FLNB: variants seen among roughly 807,000 people sequenced by gnomAD.
FLNB encodes filamin-B.
FLNB carries 111 observed loss-of-function variants against 250.6 expected under a neutral mutation model. The ratio of observed to expected loss-of-function variants is 0.44; its 90% CI spans 0.38 to 0.52. FLNB has a LOEUF of 0.52. FLNB is among the 20% of genes least tolerant of loss of function. The pLI, the probability that FLNB is intolerant of heterozygous loss-of-function variation, is 0.00. For missense variants in FLNB, 2,869 were observed against 3,447.8 expected, an observed-to-expected ratio of 0.83 and a Z score of 4.20; for synonymous variants, 1,302 against 1,372.1, an observed-to-expected ratio of 0.95 and a Z score of 1.13.
At chr3:58,116,370 C>A (rs1368718206) in intron 18 of FLNB, among the ~76,000 whole-genome samples, 1 of 152,114 alleles carries the variant, frequency 6.6e-6, no homozygotes, top group Admixed American at 6.5e-5. Context: ...GCTGCTTGGG[C>A]ATGGGTGTGT....
chr3:58,105,112 G>A lies in FLNB; in HGVS notation c.1643G>A (p.Gly548Asp). 6.2e-7 allele frequency: 1 copy of A among 1,614,254 alleles called. No homozygotes were observed. Among genetic ancestry groups the A allele is most frequent in the Non-Finnish European group, 8.5e-7 (1 of 1,180,048 alleles). The stretch of plus-strand genomic sequence containing the variant: ...GAAGTTCAAGTTGGCCCTGAAGCGG[G>A]TATGCAGAAAGTCCGTGCTTGGGGC... ...PFEVQVGPEA[G>D]MQKVRAWGPG... Residue 548 changes from glycine to aspartate, a missense_variant, in exon 11 of 46, where the codon GGT becomes GAT. Gly to Asp is a moderately conservative substitution (Grantham distance 94, BLOSUM62 -1). Coordinates refer to ENST00000295956, the MANE Select transcript of FLNB (RefSeq NM_001457.4).
chr3:58,076,387 A>G (rs989479617), intron 1 of FLNB, among the ~76,000 whole-genome samples: 5 of 152,210 alleles, frequency 3.3e-5, no homozygotes, highest in African/African-American at 1.2e-4. Flanking sequence ...TAGGCTGTAT[A>G]CTACCAGTTT....
intron 34 of FLNB, 57 bp downstream of exon 34, chr3:58,147,050 G>A (rs1575457906): frequency 1.3e-6 from 2 of 1,568,184 alleles, no homozygotes; most frequent in East Asian, 4.5e-5. Context: ...GCCTCTGACT[G>A]CCACCCTCCT....
intron 1 of FLNB, among the ~76,000 whole-genome samples, chr3:58,017,676 A>G (rs914591099): frequency 1.3e-5 from 2 of 152,214 alleles, no homozygotes; most frequent in Non-Finnish European, 2.9e-5. Context: ...GATAAACTGT[A>G]GATGGTTGTT....
rs2097285002 is a variant in FLNB at position 58,119,632 on chromosome 3, A to G, written c.2863+643A>G. On this transcript the variant is annotated intron_variant, in intron 19 of 45. Coordinates refer to ENST00000295956, the MANE Select transcript of FLNB (RefSeq NM_001457.4). ...ATGAACACTGATGTACTTATCACTCAGCTTCAGATGTGCAACACATGCTCA... is the reference window on the plus strand; with the variant it reads ...ATGAACACTGATGTACTTATCACTCGGCTTCAGATGTGCAACACATGCTCA... 2.0e-5 allele frequency among the ~76,000 whole-genome samples: 3 copies of G among 152,366 alleles called. No individual in the cohort carries two copies. In the South Asian group the frequency reaches 6.2e-4, roughly 32 times the overall value.
At chr3:58,096,393 G>A (rs1487674425) in intron 6 of FLNB, among the ~76,000 whole-genome samples, 175 bp downstream of exon 6, 1 of 152,186 alleles carries the variant, frequency 6.6e-6, no homozygotes, top group African/African-American at 2.4e-5. Context: ...TACTAGCTAG[G>A]ATGAGTTGTT....
At chr3:58,082,909 G>T (rs1032034653) in intron 4 of FLNB, among the ~76,000 whole-genome samples, 5 of 152,140 alleles carry the variant, frequency 3.3e-5, no homozygotes, top group Admixed American at 1.3e-4. Context: ...CTTTGTGTGT[G>T]TTTGCATATG....
intron 1 of FLNB, among the ~76,000 whole-genome samples, chr3:58,020,961 C>T (rs911023316): frequency 6.6e-6 from 1 of 151,696 alleles, no homozygotes; most frequent in Non-Finnish European, 1.5e-5. Context: ...AGAGGCAGGC[C>T]TCCTAGGGAG....
At position 58,110,054 on chromosome 3, in the gene FLNB, G is replaced by A. The variant is rs1392670034; in HGVS notation, c.2368G>A (p.Glu790Lys). ...TAAGTGTGATGCCCGGGTGTTAAGT[G>A]AAGATGAGGAAGACGTGGATTTTGA... Reference protein sequence around the residue: ...GIKCDARVLSEDEEDVDFDII... With the variant: ...GIKCDARVLSKDEEDVDFDII... The change falls in exon 16 of 46, where the codon GAA becomes AAA. Residue 790 changes from glutamate (E) to lysine (K), a missense_variant. Glu to Lys is a moderately conservative substitution (Grantham distance 56, BLOSUM62 1). Coordinates refer to ENST00000295956, the MANE Select transcript of FLNB (RefSeq NM_001457.4). The A allele has an allele frequency of 3.7e-6, 6 of 1,614,184 alleles. No homozygotes were observed. Among genetic ancestry groups the A allele is most frequent in the Non-Finnish European group, 4.2e-6 (5 of 1,180,018 alleles).
At chr3:58,156,165 G>A in intron 41 of FLNB, 90 bp downstream of exon 41, 2 of 944,516 alleles carry the variant, frequency 2.1e-6, no homozygotes, top group Non-Finnish European at 3.4e-6. Flanking sequence ...CCCCTTAGGT[G>A]CTGAGGCCCC....
chr3:58,082,230 C>A (rs373092713), intron 4 of FLNB, among the ~76,000 whole-genome samples: 2 of 152,134 alleles, frequency 1.3e-5, no homozygotes, highest in East Asian at 1.9e-4. Context: ...GCTAAGACAT[C>A]CTGTTTATGA....
At position 58,169,376 on chromosome 3, in the gene FLNB, C is replaced by T. The variant is rs2097377129; in HGVS notation, c.7418-214C>T. 1.7e-6 allele frequency: 1 copy of T among 593,286 alleles called. No individual in the cohort carries two copies. Among genetic ancestry groups the T allele is most frequent in the African/African-American group, 1.8e-5 (1 of 54,328 alleles). 36.8% of individuals were successfully genotyped at this position (593,286 alleles called of 1,614,324 possible). A position where few individuals can be genotyped will look rare whatever the true frequency, so the allele number is the denominator to read the frequency against. On this transcript the variant is annotated intron_variant, in intron 44 of 45. Transcript: ENST00000295956. This position sits in a 1 kb window ranked among gnomAD's most constrained non-coding sequence, Gnocchi z 4.8. ...CCTTGTCAGCCAAGGCCAGACTCAT[C>T]CATTTGCCCAGAAAGCCAGATCCTA... is the stretch of plus-strand genomic sequence containing the variant.
chr3:58,109,846 A>G, intron 15 of FLNB, 147 bp downstream of exon 15: 1 of 1,382,036 alleles, frequency 7.2e-7, no homozygotes, highest in East Asian at 2.3e-5. Flanking sequence ...CCTTAGTGAT[A>G]TCTTTGCTAA....
rs2097194527 is a variant in FLNB, at chr3:58,071,508, A to AC, written c.293-5534dup. ...TAGCCAGGCTGGCCTCGAACTCCTGACCCCAAGTGATCCTCCTGCCTCGGC... is the reference window on the plus strand; with the variant it reads ...TAGCCAGGCTGGCCTCGAACTCCTGACCCCCAAGTGATCCTCCTGCCTCGGC... On this transcript the variant is annotated intron_variant, in intron 1 of 45. Transcript: ENST00000295956. Among the ~76,000 whole-genome samples, 4 of 151,704 alleles carry AC rather than the reference A, an allele frequency of 2.6e-5. No individual in the cohort carries two copies. In the South Asian group the frequency reaches 8.4e-4, roughly 32 times the overall value.
chr3:58,059,113 G>C (rs897676265), intron 1 of FLNB, among the ~76,000 whole-genome samples: 3 of 152,154 alleles, frequency 2.0e-5, no homozygotes, highest in African/African-American at 7.2e-5. Context: ...GTTTAGTCTA[G>C]TGTGCCCCCA....
chr3:58,026,219 T>TGA (rs2097123431), intron 1 of FLNB, among the ~76,000 whole-genome samples: 1 of 152,114 alleles, frequency 6.6e-6, no homozygotes, highest in African/African-American at 2.4e-5. Context: ...ACATCCTCCA[T>TGA]GAGGCTGAGG....
chr3:58,069,232 CTTTTTTTTTTT>C (rs59689498), intron 1 of FLNB, among the ~76,000 whole-genome samples: 15 of 86,370 alleles, frequency 1.7e-4, no homozygotes, highest in African/African-American at 7.0e-4. Flanking sequence ...TAGTTCAATT[CTTTTTTTTTTT>C]TTTTTTTTTT....
rs957834604 is a variant in FLNB at position 58,170,959 on chromosome 3, A to T, written c.*197A>T. The T allele has an allele frequency of 1.7e-6, 1 of 589,570 alleles. No individual in the cohort carries two copies. The highest frequency in any genetic ancestry group is 3.0e-6 in the Non-Finnish European group (1 of 332,936). 36.5% of individuals were successfully genotyped at this position (589,570 alleles called of 1,614,324 possible). ...CATATTGGAGAATCTTAAGAAATGC[A>T]AGCTTGTTCAGGGGGCTGAGAAGAT... On this transcript the variant is annotated 3_prime_UTR_variant, in exon 46 of 46. Coordinates refer to ENST00000295956, the MANE Select transcript of FLNB (RefSeq NM_001457.4).
chr3:58,134,983 T>C (rs544697920), intron 27 of FLNB, among the ~76,000 whole-genome samples: 51 of 152,198 alleles, frequency 3.4e-4, no homozygotes, highest in African/African-American at 1.2e-3. Flanking sequence ...TTTTGGTGAA[T>C]TTTCATGTTT....
Sources: allele counts gnomAD v4.1 joint callset (sites outside exome capture counted in the v4.1 genomes callset), GRCh38; gene constraint gnomAD v4.1.1; non-coding constraint Gnocchi (gnomAD v3.1); transcripts MANE v1.5; gene names NCBI Gene and HGNC (gene_info 2026-07-23, HGNC 2026-07-21).